Variants in BMPR2 observed in about 807,000 individuals in gnomAD.
BMPR2 encodes bone morphogenetic protein receptor type 2.
BMPR2 carries 29 observed loss-of-function variants against 100.8 expected under a neutral mutation model. The ratio of observed to expected loss-of-function variants is 0.29; its 90% CI spans 0.21 to 0.39. The LOEUF is 0.39. BMPR2 is among the 10% of genes least tolerant of loss of function. The probability of loss-of-function intolerance (pLI) is 1.00; values close to 1 mark genes in which losing one functional copy is unlikely to be tolerated. For missense variants in BMPR2, 1,011 were observed against 1,274.5 expected (o/e 0.79, Z 3.15); for synonymous variants, 382 against 442.3 (o/e 0.86, Z 1.71).
chr2:202,542,648 G>T (rs1426636993), intron 10 of BMPR2, among the ~76,000 whole-genome samples: 1 of 151,844 alleles, frequency 6.6e-6, no homozygotes, highest in Non-Finnish European at 1.5e-5. Context: ...TTTTTTCCAA[G>T]CTTAAAATAC....
intron 9 of BMPR2, among the ~76,000 whole-genome samples, chr2:202,541,391 C>T (rs760823282): frequency 6.6e-6 from 1 of 152,026 alleles, no homozygotes; most frequent in East Asian, 1.9e-4. Context: ...ATAATGCCAC[C>T]GTACTCCATC....
intron 1 of BMPR2, among the ~76,000 whole-genome samples, chr2:202,435,937 C>A (rs185052089): frequency 6.6e-6 from 1 of 150,658 alleles, no homozygotes; most frequent in African/African-American, 2.5e-5. Context: ...GATGAAGTCA[C>A]CTAACAACAA....
At chr2:202,392,732 C>A (rs978225393) in intron 1 of BMPR2, among the ~76,000 whole-genome samples, 2 of 151,808 alleles carry the variant, frequency 1.3e-5, no homozygotes, top group Admixed American at 6.6e-5. Context: ...GTGGCTCACG[C>A]CTGTAATCTC....
intron 10 of BMPR2, among the ~76,000 whole-genome samples, chr2:202,547,030 A>T (rs1688388339): frequency 6.6e-6 from 1 of 152,080 alleles, no homozygotes; most frequent in Non-Finnish European, 1.5e-5. Flanking sequence ...GGCCTCCCAG[A>T]GTGCCGGGAT....
chr2:202,482,806 T>G lies in BMPR2; in HGVS notation c.418+15117T>G, dbSNP rs566266118. 1.2e-3 allele frequency among the ~76,000 whole-genome samples: 188 copies of G among 152,294 alleles called. 2 individuals carry two copies. Among genetic ancestry groups the G allele is most frequent in the Non-Finnish European group, 6.3e-4 (43 of 68,024 alleles). ...CACCTGCCTCGGCCTCTCAAAGTGC[T>G]GGGATTACAGGCATGAGCCACCACA... On this transcript the variant is annotated intron_variant, in intron 3 of 12. Coordinates refer to ENST00000374580, the MANE Select transcript of BMPR2 (RefSeq NM_001204.7).
At chr2:202,504,331 T>C (rs1004951537) in intron 3 of BMPR2, among the ~76,000 whole-genome samples, 1 of 152,120 alleles carries the variant, frequency 6.6e-6, no homozygotes, top group South Asian at 2.1e-4. Flanking sequence ...CGCAAAGGTC[T>C]GCAGCTTCAC....
intron 1 of BMPR2, among the ~76,000 whole-genome samples, chr2:202,420,633 A>T (rs1320446570): frequency 1.6e-5 from 2 of 125,482 alleles, no homozygotes; most frequent in East Asian, 5.0e-4. Context: ...TGCAACCTCC[A>T]CCTCCCGAGT....
At chr2:202,467,324 T>TC (rs991635945) in intron 2 of BMPR2, among the ~76,000 whole-genome samples, 195 bp from the exon 3 acceptor site, 2 of 152,068 alleles carry the variant, frequency 1.3e-5, no homozygotes, top group African/African-American at 2.4e-5. Context: ...GGTGGCCTTT[T>TC]CCCCCCCATG....
intron 1 of BMPR2, among the ~76,000 whole-genome samples, chr2:202,421,310 GAAAA>G (rs35984037): frequency 1.1e-5 from 1 of 94,872 alleles, no homozygotes; most frequent in Non-Finnish European, 2.3e-5. Flanking sequence ...TCTCCAAAAG[GAAAA>G]AAAAAAAAAA....
rs1298705844 is a variant in BMPR2 at position 202,565,164 on chromosome 2, C to T, written c.*5218C>T. The T allele has an allele frequency of 6.6e-6, 1 of 152,120 alleles. No homozygotes were observed. Among genetic ancestry groups the T allele is most frequent in the African/African-American group, 2.4e-5 (1 of 41,416 alleles). 9.4% of individuals were successfully genotyped at this position (152,120 alleles called of 1,614,324 possible). A position where few individuals can be genotyped will look rare whatever the true frequency, so the allele number is the denominator to read the frequency against. ...TCTTCATATCTATTCTGTCTCCCTC[C>T]TCTTTGATTTTAAATTTTTTTCTTT... On this transcript the variant is annotated 3_prime_UTR_variant, in exon 13 of 13. Transcript: ENST00000374580.
In BMPR2 at chr2:202,428,047, A is replaced by G. The variant is rs192607050; in HGVS notation, c.77-36762A>G. On this transcript the variant is annotated intron_variant, in intron 1 of 12. Transcript: ENST00000374580. ...TATTATTTACCTCTGATCTATTCCT[A>G]TTACAGTTCCGCATTCAGTGTAATT... is the stretch of plus-strand genomic sequence containing the variant. Among the ~76,000 whole-genome samples, 108 of 152,228 alleles carry G rather than the reference A, an allele frequency of 7.1e-4. No homozygotes were observed. The East Asian group carries it at 0.019, about 26-fold the overall frequency.
chr2:202,552,888 G>A lies in BMPR2; in HGVS notation c.1586G>A (p.Arg529His), dbSNP rs752615120. 33 of 1,613,972 alleles carry A rather than the reference G, an allele frequency of 2.0e-5. No homozygotes were observed. Among genetic ancestry groups the A allele is most frequent in the African/African-American group, 5.3e-5 (4 of 74,888 alleles). Reference sequence around the variant, plus strand: ...ATGTCTACTGCTATGCAGAATGAACGGTAAGACCCTAAGGGGTGTGGCATC... The same window carrying A: ...ATGTCTACTGCTATGCAGAATGAACAGTAAGACCCTAAGGGGTGTGGCATC... Reference protein sequence around the residue: ...NPMSTAMQNERNLSHNRRVPK... With the variant: ...NPMSTAMQNEHNLSHNRRVPK... Residue 529 changes from arginine to histidine, a missense_variant and splice_region_variant, in exon 11 of 13, where the codon CGC becomes CAC. Arg to His is a conservative substitution (Grantham distance 29, BLOSUM62 0). Around this residue, in one of 6 missense-constraint regions of BMPR2, gnomAD observed 508 missense variants for 552.0 expected, o/e 0.92. Coordinates refer to ENST00000374580, the MANE Select transcript of BMPR2 (RefSeq NM_001204.7).
intron 1 of BMPR2, among the ~76,000 whole-genome samples, chr2:202,380,727 A>T (rs551759190): frequency 6.6e-6 from 1 of 150,924 alleles, no homozygotes; most frequent in Non-Finnish European, 1.5e-5. Flanking sequence ...GGTTCAAGCA[A>T]TTCTGCCTCA....
At chr2:202,398,080 C>T (rs888256282) in intron 1 of BMPR2, among the ~76,000 whole-genome samples, 3 of 150,290 alleles carry the variant, frequency 2.0e-5, no homozygotes, top group Non-Finnish European at 4.4e-5. Flanking sequence ...CTGCCCTCCA[C>T]TCTGGGCAAC....
chr2:202,417,783 A>G (rs1416508264), intron 1 of BMPR2, among the ~76,000 whole-genome samples: 1 of 149,670 alleles, frequency 6.7e-6, no homozygotes, highest in East Asian at 2.0e-4. Context: ...CAGTGCTGCC[A>G]TCTCGGCTCA....
rs1351075188 is a variant in BMPR2, at chr2:202,565,521, A to G, written c.*5575A>G. 1 of 152,538 alleles carries G rather than the reference A, an allele frequency of 6.6e-6. No homozygotes were observed. The highest frequency in any genetic ancestry group is 1.5e-5 in the Non-Finnish European group (1 of 68,006). 9.4% of individuals were successfully genotyped at this position (152,538 alleles called of 1,614,324 possible). On this transcript the variant is annotated 3_prime_UTR_variant, in exon 13 of 13. Coordinates refer to ENST00000374580, the MANE Select transcript of BMPR2 (RefSeq NM_001204.7). ...TGTTATCTAACATTTTCTATTGTGG[A>G]ATTTTATGATTTTATATTCTCATTA...
At chr2:202,448,448 A>C (rs1480642671) in intron 1 of BMPR2, among the ~76,000 whole-genome samples, 1 of 146,888 alleles carries the variant, frequency 6.8e-6, no homozygotes, top group East Asian at 2.0e-4. Flanking sequence ...CTCCGTCTCA[A>C]AAAAAAAATA....
chr2:202,425,845 G>T (rs974056546), intron 1 of BMPR2, among the ~76,000 whole-genome samples: 1 of 152,120 alleles, frequency 6.6e-6, no homozygotes, highest in African/African-American at 2.4e-5. Flanking sequence ...TTAATACATT[G>T]AATTGCATTT....
chr2:202,419,272 C>T (rs1046933532), intron 1 of BMPR2, among the ~76,000 whole-genome samples: 1 of 152,112 alleles, frequency 6.6e-6, no homozygotes, highest in Non-Finnish European at 1.5e-5. Flanking sequence ...ATTTAAAATG[C>T]CATGTACTAA....
Sources: gnomAD v4.1 joint callset for allele counts (sites outside exome capture counted in the v4.1 genomes callset) on GRCh38, gnomAD v4.1.1 for gene constraint, gnomAD v4.1.1 regional missense constraint, MANE v1.5 for transcripts, NCBI Gene and HGNC (gene_info 2026-07-23, HGNC 2026-07-21) for gene names.